CHD6: variants seen among roughly 807,000 people sequenced by gnomAD.
The protein encoded by CHD6 is chromodomain helicase DNA binding protein 6, also known as ATP-dependent chromatin remodeler CHD6.
In CHD6, 50 loss-of-function variants were observed where a neutral mutation model predicts 276.9. That is an observed-to-expected ratio of 0.18 (90% CI 0.14 to 0.23). The LOEUF (loss-of-function observed/expected upper bound fraction) is 0.23, where lower values mean the gene tolerates loss of function less well. Among genes scored for constraint, CHD6 ranks in the 10% least tolerant of loss-of-function variants. The probability of loss-of-function intolerance (pLI) is 1.00; values close to 1 mark genes in which losing one functional copy is unlikely to be tolerated. For synonymous variants in CHD6, 1,173 were observed against 1,229.3 expected (o/e 0.95, Z 0.96); for missense variants, 2,564 against 3,365.8 (o/e 0.76, Z 5.89).
In CHD6 at chr20:41,425,478, C is replaced by T. The variant is rs2047333274; in HGVS notation, c.4130-84G>A. On this transcript the variant is annotated intron_variant, in intron 28 of 36. Coordinates refer to ENST00000373233, the MANE Select transcript of CHD6 (RefSeq NM_032221.5). ...TCTTTTGGTTTTGTTTAAATAAAAA[C>T]AAAGCTGACTCAATAATTTACTCAA... 48 of 1,295,866 alleles carry T rather than the reference C, an allele frequency of 3.7e-5. No homozygotes were observed. In the South Asian group the frequency reaches 6.1e-4, roughly 17 times the overall value. 80.3% of individuals were successfully genotyped at this position (1,295,866 alleles called of 1,614,324 possible). A position where few individuals can be genotyped will look rare whatever the true frequency, so the allele number is the denominator to read the frequency against.
At chr20:41,539,207 C>T (rs750073254) in intron 2 of CHD6, among the ~76,000 whole-genome samples, 19 of 152,302 alleles carry the variant, frequency 1.2e-4, no homozygotes, top group Middle Eastern at 3.4e-3. Flanking sequence ...GATAGCTCTT[C>T]GCTTCTCACT....
intron 1 of CHD6, among the ~76,000 whole-genome samples, chr20:41,604,264 A>G (rs2045804054): frequency 6.6e-6 from 1 of 152,188 alleles, no homozygotes; most frequent in Non-Finnish European, 1.5e-5. Context: ...GGATGGAAAA[A>G]TAGATTCTAG....
chr20:41,440,082 G>C lies in CHD6; in HGVS notation c.3925C>G (p.Leu1309Val). The change falls in exon 26 of 37, where the codon CTG becomes GTG. Residue 1309 changes from leucine (L) to valine (V), a missense_variant. Leu to Val is a conservative substitution (Grantham distance 32). This residue lies in a region of CHD6 where 515 missense variants were observed against 739.5 expected (regional missense o/e 0.70). Coordinates refer to ENST00000373233, the MANE Select transcript of CHD6 (RefSeq NM_032221.5). The part of the protein sequence containing the change: ...AMRADPALCF[L>V]EKVGMPDEKS... ...TCATCGGGCATCCCAACTTTCTCCA[G>C]GAAGCAAAGTGCTGGGTCTGCTCGC... 2 of 1,614,012 alleles carry C rather than the reference G, an allele frequency of 1.2e-6. No individual in the cohort carries two copies. The highest frequency in any genetic ancestry group is 8.5e-7 in the Non-Finnish European group (1 of 1,179,904).
At chr20:41,561,187 C>T (rs1270715957) in intron 1 of CHD6, among the ~76,000 whole-genome samples, 1 of 152,014 alleles carries the variant, frequency 6.6e-6, no homozygotes. Flanking sequence ...AACTTTTTTT[C>T]AAAAACAGGA....
chr20:41,437,414 G>T, intron 26 of CHD6, 80 bp from the exon 27 acceptor site: 1 of 898,726 alleles, frequency 1.1e-6, no homozygotes, highest in Non-Finnish European at 1.8e-6. Flanking sequence ...GTCAACCACA[G>T]TCCAAAAATA....
In CHD6 at chr20:41,533,212, C is replaced by G. The variant is rs75576471; in HGVS notation, c.392G>C (p.Arg131Thr). 2.3e-4 allele frequency: 376 copies of G among 1,613,784 alleles called. 3 individuals are homozygous for G. In the East Asian group the frequency reaches 7.9e-3, roughly 34 times the overall value. The change falls in exon 3 of 37, where the codon AGA becomes ACA. Residue 131 changes from arginine to threonine, a missense_variant. Arg to Thr is a moderately conservative substitution (Grantham distance 71). Around this residue, in one of 7 missense-constraint regions of CHD6, gnomAD observed 286 missense variants for 297.8 expected, o/e 0.96. Coordinates refer to ENST00000373233, the MANE Select transcript of CHD6 (RefSeq NM_032221.5). Reference sequence around the variant, plus strand: ...GGCCTTCTTCGGCTCCTTGGCCTTTCTGGGTTCCTTTGGCTCTTTCGGTTC... The same window carrying G: ...GGCCTTCTTCGGCTCCTTGGCCTTTGTGGGTTCCTTTGGCTCTTTCGGTTC... ...KREPKEPKEP[R>T]KAKEPKKAKE...
intron 16 of CHD6, among the ~76,000 whole-genome samples, chr20:41,480,760 G>A (rs2043276688): frequency 6.6e-6 from 1 of 152,206 alleles, no homozygotes; most frequent in South Asian, 2.1e-4. Context: ...TCTGGGATAT[G>A]AGAAACTGGG....
intron 16 of CHD6, chr20:41,482,401 A>G (rs771900452): frequency 2.9e-5 from 9 of 306,468 alleles, no homozygotes; most frequent in Non-Finnish European, 5.2e-5. Flanking sequence ...TGTTACATTA[A>G]GTGTCAGCAT....
chr20:41,460,115 T>C (rs6124349), intron 17 of CHD6, among the ~76,000 whole-genome samples: 7,362 of 152,268 alleles, frequency 0.048, 580 homozygotes, highest in East Asian at 0.39. Flanking sequence ...CCCTCGAGAT[T>C]TGCGGAACTT....
chr20:41,531,945 TA>T (rs2044695958), intron 3 of CHD6, among the ~76,000 whole-genome samples: 1 of 152,180 alleles, frequency 6.6e-6, no homozygotes, highest in South Asian at 2.1e-4. Flanking sequence ...GCTCTTGGTC[TA>T]AAATAATAGA....
chr20:41,607,893 A>G (rs1337739194), intron 1 of CHD6, among the ~76,000 whole-genome samples: 2 of 152,234 alleles, frequency 1.3e-5, no homozygotes, highest in African/African-American at 4.8e-5. Context: ...AGGGACACAC[A>G]TCACTTCCAC....
chr20:41,550,109 C>T (rs1384722597), intron 2 of CHD6, among the ~76,000 whole-genome samples: 1 of 152,158 alleles, frequency 6.6e-6, no homozygotes, highest in Non-Finnish European at 1.5e-5. Flanking sequence ...CCAGTAATGT[C>T]TTCTTTTTAA....
At chr20:41,415,715 T>C in intron 33 of CHD6, 77 bp from the exon 34 acceptor site, 1 of 1,087,072 alleles carries the variant, frequency 9.2e-7, no homozygotes, top group Non-Finnish European at 1.3e-6. Flanking sequence ...CCAGGCCTGA[T>C]TTCCCTAGGC....
intron 27 of CHD6, 149 bp downstream of exon 27, chr20:41,437,121 CTGTG>C (rs909484936): frequency 1.7e-6 from 1 of 573,906 alleles, no homozygotes; most frequent in African/African-American, 1.9e-5. Flanking sequence ...CAATTGCAGT[CTGTG>C]TATTTTAAGT....
chr20:41,425,959 T>C (rs996918841), intron 28 of CHD6, 134 bp downstream of exon 28: 3 of 742,720 alleles, frequency 4.0e-6, no homozygotes, highest in South Asian at 3.0e-5. Flanking sequence ...CTAGGGGAGT[T>C]TGATGATGGT....
chr20:41,455,752 T>A, intron 19 of CHD6, 48 bp downstream of exon 19: 1 of 1,294,436 alleles, frequency 7.7e-7, no homozygotes, highest in Non-Finnish European at 1.0e-6. Context: ...GAATAAACAT[T>A]TTTTTTTCTC....
intron 1 of CHD6, among the ~76,000 whole-genome samples, chr20:41,558,046 G>A (rs2045259797): frequency 1.3e-5 from 2 of 152,276 alleles, no homozygotes; most frequent in Admixed American, 1.3e-4. Flanking sequence ...GAGATGTCTT[G>A]AGGAATGCCA....
intron 17 of CHD6, among the ~76,000 whole-genome samples, chr20:41,459,741 CTT>C (rs2048487060): frequency 6.6e-6 from 1 of 152,182 alleles, no homozygotes; most frequent in South Asian, 2.1e-4. Flanking sequence ...CCAATTAAAC[CTT>C]TTTTTGTTCC....
intron 26 of CHD6, among the ~76,000 whole-genome samples, chr20:41,438,865 G>T (rs2047804265): frequency 6.6e-6 from 1 of 152,122 alleles, no homozygotes; most frequent in South Asian, 2.1e-4. Context: ...CTGTCCTCAA[G>T]AAAAATGCTG....
Sources: allele counts gnomAD v4.1 joint callset (sites outside exome capture counted in the v4.1 genomes callset), GRCh38; gene constraint gnomAD v4.1.1; regional missense constraint gnomAD v4.1.1; transcripts MANE v1.5; gene names NCBI Gene and HGNC (gene_info 2026-07-23, HGNC 2026-07-21).